The following MDH1B variants were observed in gnomAD, a reference collection of about 807,000 sequenced individuals.
The protein encoded by MDH1B is putative malate dehydrogenase 1B.
A neutral mutation model predicts 61.4 loss-of-function variants in MDH1B; 60 were observed. The ratio of observed to expected loss-of-function variants is 0.98; its 90% confidence interval spans 0.79 to 1.21. The LOEUF is 1.21. Ranked by LOEUF, MDH1B falls within the 50% of genes most tolerant of loss-of-function variation. The pLI is 0.00. For missense variants in MDH1B, 587 were observed against 632.1 expected, an observed-to-expected ratio of 0.93 and a Z score of 0.76; for synonymous variants, 236 against 218.7, an observed-to-expected ratio of 1.08 and a Z score of -0.70.
In MDH1B at chr2:206,751,066, T is replaced by C. The variant is rs748486686; in HGVS notation, c.920A>G (p.Asp307Gly). 1.9e-6 allele frequency: 3 copies of C among 1,573,062 alleles called. No individual in the cohort carries two copies. Among genetic ancestry groups the C allele is most frequent in the Admixed American group, 3.6e-5 (2 of 55,788 alleles). Residue 307 changes from aspartate to glycine, a missense_variant, in exon 6 of 12, where the codon GAC becomes GGC. Coordinates refer to ENST00000374412, the MANE Select transcript of MDH1B (RefSeq NM_001039845.3). ...KLKTAPSYIK[D>G]VIIWGNISGN... is the part of the protein sequence containing the mutation. The stretch of plus-strand genomic sequence containing the variant: ...ACTGATATTACCCCAAATGATCACG[T>C]CTTTAATGTCTGTGAAGAATAGAAA...
In MDH1B at chr2:206,754,899, C is replaced by A; in HGVS notation, c.910+110G>T. On this transcript the variant is annotated intron_variant, in intron 5 of 11. Transcript: ENST00000374412. Reference sequence around the variant, plus strand: ...AGTTCTTTATGTCTGTTTTATACTTCCTATTCCAGATACTCAGAATGTTCC... The same window carrying A: ...AGTTCTTTATGTCTGTTTTATACTTACTATTCCAGATACTCAGAATGTTCC... 7 of 1,240,418 alleles carry A rather than the reference C, an allele frequency of 5.6e-6. No individual in the cohort carries two copies. The South Asian group carries it at 9.1e-5, about 16-fold the overall frequency. 76.8% of individuals were successfully genotyped at this position (1,240,418 alleles called of 1,614,324 possible).
chr2:206,756,702 T>C (rs1275936638), intron 4 of MDH1B, 196 bp downstream of exon 4: 13 of 575,456 alleles, frequency 2.3e-5, no homozygotes, highest in Non-Finnish European at 1.5e-5. Context: ...ATAAAACTCA[T>C]TTATGAGTTA....
At chr2:206,757,135 TAA>T in intron 3 of MDH1B, 95 bp from the exon 4 acceptor site, 2 of 1,523,124 alleles carry the variant, frequency 1.3e-6, no homozygotes, top group South Asian at 2.4e-5. Context: ...CAAAAGACAA[TAA>T]AAAGAGACAT....
chr2:206,758,788 A>C (rs1688916326), intron 2 of MDH1B, among the ~76,000 whole-genome samples: 1 of 151,932 alleles, frequency 6.6e-6, no homozygotes, highest in Non-Finnish European at 1.5e-5. Flanking sequence ...ACACAAAAAA[A>C]AAACTAGTGA....
intron 2 of MDH1B, among the ~76,000 whole-genome samples, chr2:206,757,894 A>G (rs1688855728): frequency 6.6e-6 from 1 of 152,218 alleles, no homozygotes. Context: ...TGATTTATAT[A>G]GGCTAGGCCT....
At chr2:206,761,669 C>T (rs571375921) in intron 1 of MDH1B, among the ~76,000 whole-genome samples, 5 of 151,980 alleles carry the variant, frequency 3.3e-5, no homozygotes, top group African/African-American at 1.2e-4. Flanking sequence ...GTGCAGGTGC[C>T]ATGTAAGGGT....
intron 9 of MDH1B, among the ~76,000 whole-genome samples, chr2:206,744,857 G>A (rs1345661969): frequency 1.3e-5 from 2 of 151,966 alleles, no homozygotes; most frequent in East Asian, 1.9e-4. Flanking sequence ...CCTGGGAGGC[G>A]GGGCTTGTGG....
At chr2:206,752,298 C>T (rs1425998147) in intron 5 of MDH1B, among the ~76,000 whole-genome samples, 21 of 152,168 alleles carry the variant, frequency 1.4e-4, no homozygotes, top group Admixed American at 1.4e-3. Flanking sequence ...ATCACTCAAC[C>T]ACTCCTAGTT....
chr2:206,763,909 C>T (rs975669436), intron 1 of MDH1B, among the ~76,000 whole-genome samples: 7 of 151,914 alleles, frequency 4.6e-5, no homozygotes, highest in African/African-American at 1.5e-4. Context: ...TCCCTGCTAT[C>T]GTTCCTATAG....
chr2:206,762,516 C>T (rs1022160531), intron 1 of MDH1B, among the ~76,000 whole-genome samples: 2 of 152,172 alleles, frequency 1.3e-5, no homozygotes, highest in Non-Finnish European at 2.9e-5. Context: ...GTATCTGTTT[C>T]TAATAGTCCC....
At chr2:206,752,611 G>T (rs1193856227) in intron 5 of MDH1B, among the ~76,000 whole-genome samples, 1 of 152,040 alleles carries the variant, frequency 6.6e-6, no homozygotes, top group Non-Finnish European at 1.5e-5. Flanking sequence ...ATAATTCTTG[G>T]GCCAGGTAAG....
intron 4 of MDH1B, 172 bp downstream of exon 4, chr2:206,756,726 A>AAC: frequency 1.3e-5 from 8 of 636,860 alleles, no homozygotes; most frequent in East Asian, 2.8e-5. Flanking sequence ...GGAGGATACA[A>AAC]ACACACACAC....
chr2:206,755,263 T>C lies in MDH1B; in HGVS notation c.656A>G (p.Asn219Ser), dbSNP rs1266441262. Residue 219 changes from asparagine to serine, a missense_variant, in exon 5 of 12, where the codon AAC (asparagine) becomes AGC (serine). By Grantham distance (46) the Asn-to-Ser change is conservative (BLOSUM62 1). Coordinates refer to ENST00000374412, the MANE Select transcript of MDH1B (RefSeq NM_001039845.3). ...HVIVVLDDSTNKEVFTLEDCL... is the reference protein window; with the variant it reads ...HVIVVLDDSTSKEVFTLEDCL... ...GTCCTCCAGAGTGAACACCTCCTTG[T>C]TGGTGCTGTCATCCAGCACCACAAT... 1.4e-5 allele frequency: 23 copies of C among 1,614,120 alleles called. No individual in the cohort carries two copies. The highest frequency in any genetic ancestry group is 1.9e-5 in the Non-Finnish European group (22 of 1,180,054).
intron 9 of MDH1B, among the ~76,000 whole-genome samples, chr2:206,743,617 C>T: frequency 6.6e-6 from 1 of 152,182 alleles, no homozygotes; most frequent in East Asian, 1.9e-4. Flanking sequence ...TGTGACATTT[C>T]CATTTTAGAT....
intron 8 of MDH1B, among the ~76,000 whole-genome samples, chr2:206,745,895 A>C (rs1460735857): frequency 1.3e-5 from 2 of 151,892 alleles, no homozygotes; most frequent in South Asian, 4.2e-4. Context: ...CACCATGCCC[A>C]GCTAATTTTT....
chr2:206,764,308 A>T (rs2105963590), intron 1 of MDH1B, among the ~76,000 whole-genome samples: 1 of 152,122 alleles, frequency 6.6e-6, no homozygotes, highest in South Asian at 2.1e-4. Context: ...AAAAAAAAAA[A>T]AAAATCTCCT....
intron 6 of MDH1B, 97 bp from the exon 7 acceptor site, chr2:206,749,280 A>C: frequency 1.0e-6 from 1 of 954,728 alleles, no homozygotes; most frequent in Non-Finnish European, 1.6e-6. Context: ...CAGAAACCTA[A>C]TCCACAGTCA....
At position 206,746,437 on chromosome 2, in the gene MDH1B, C is replaced by G. The variant is rs369783112; in HGVS notation, c.1217-11G>C. 7.8e-5 allele frequency: 125 copies of G among 1,603,060 alleles called. No homozygotes were observed. In the African/African-American group the frequency reaches 1.6e-3, roughly 21 times the overall value. ...GAATACCAAACTGGCCTGCAGTGAG[C>G]AAACACAAAGCAAAGCAATGCAGCA... On this transcript the variant is annotated splice_polypyrimidine_tract_variant and intron_variant, in intron 7 of 11. Coordinates refer to ENST00000374412, the MANE Select transcript of MDH1B (RefSeq NM_001039845.3).
At chr2:206,741,494 A>T in intron 9 of MDH1B, 1 of 207,042 alleles carries the variant, frequency 4.8e-6, no homozygotes, top group Non-Finnish European at 9.8e-6. Context: ...AATATAAAGC[A>T]GGAAGAAAAA....
Sources: gnomAD v4.1 joint callset for allele counts (sites outside exome capture counted in the v4.1 genomes callset) on GRCh38, gnomAD v4.1.1 for gene constraint, MANE v1.5 for transcripts, NCBI Gene and HGNC (gene_info 2026-07-23, HGNC 2026-07-21) for gene names.